The following EMC3 variants were observed in gnomAD, a reference collection of about 807,000 sequenced individuals.
The protein encoded by EMC3 is ER membrane protein complex subunit 3.
A neutral mutation model predicts 36.6 loss-of-function variants in EMC3; 13 were observed. The ratio of observed to expected loss-of-function variants is 0.35; its 90% confidence interval spans 0.23 to 0.56. The LOEUF is 0.56. Among genes scored for constraint, EMC3 ranks in the 20% least tolerant of loss-of-function variants. The pLI is 0.84. For missense variants in EMC3, 220 were observed against 324.5 expected (o/e 0.68, Z 2.47); for synonymous variants, 120 against 111.9 (o/e 1.07, Z -0.46).
At chr3:10,002,742 C>T (rs2086219048) in intron 1 of EMC3, 1 of 438,172 alleles carries the variant, frequency 2.3e-6, no homozygotes, top group Admixed American at 2.5e-5. Flanking sequence ...GAGGAGGAGA[C>T]CTGCACAACT....
intron 1 of EMC3, among the ~76,000 whole-genome samples, chr3:9,991,874 C>G (rs1393655425): frequency 6.6e-6 from 1 of 152,172 alleles, no homozygotes; most frequent in Non-Finnish European, 1.5e-5. Flanking sequence ...GATCATCAGG[C>G]ACTACTTAGA....
At chr3:9,970,040 A>G (rs939860860) in intron 6 of EMC3, among the ~76,000 whole-genome samples, 1 of 152,218 alleles carries the variant, frequency 6.6e-6, no homozygotes, top group Non-Finnish European at 1.5e-5. Flanking sequence ...AATTTCAACA[A>G]TAACAGCCAC....
intron 7 of EMC3, among the ~76,000 whole-genome samples, chr3:9,965,087 C>T (rs1440325118): frequency 1.4e-5 from 2 of 147,296 alleles, no homozygotes; most frequent in African/African-American, 5.1e-5. Context: ...AGTAATACCT[C>T]GTCTTTAAAA....
At chr3:10,004,065 T>G (rs2086236192) in intron 1 of EMC3, 1 of 152,200 alleles carries the variant, frequency 6.6e-6, no homozygotes, top group Non-Finnish European at 1.5e-5. Context: ...CCATGGATAT[T>G]CAGAGCCTCA....
upstream of EMC3, among the ~76,000 whole-genome samples, chr3:9,991,611 G>C (rs2086053272): frequency 6.6e-6 from 1 of 151,956 alleles, no homozygotes; most frequent in Admixed American, 6.6e-5. Context: ...CACCTCCTGG[G>C]CTCAATGATC....
At chr3:9,988,035 CT>C, upstream of EMC3, 2 of 723,470 alleles carry the variant, frequency 2.8e-6, no homozygotes, top group Admixed American at 1.9e-5. Flanking sequence ...AATTGCCACC[CT>C]TTTCCTCACA....
intron 4 of EMC3, among the ~76,000 whole-genome samples, 157 bp from the exon 5 acceptor site, chr3:9,973,866 A>G (rs2085816107): frequency 6.6e-6 from 1 of 152,228 alleles, no homozygotes; most frequent in African/African-American, 2.4e-5. Context: ...AAAGACAGTC[A>G]AAATGCCACT....
In EMC3 at chr3:9,963,454, G is replaced by GATATATATATAT. The variant is rs1553602259; in HGVS notation, c.*603_*614dup. ...CGAAGACTGGGCTTCTGCTAAGATA[G>GATATATATATAT]ATATATATATATATATATATATATT... On this transcript the variant is annotated 3_prime_UTR_variant, in exon 8 of 8. Coordinates refer to ENST00000245046, the MANE Select transcript of EMC3 (RefSeq NM_001394674.1). The GATATATATATAT allele has an allele frequency of 1.0e-5, 1 of 99,698 alleles. No homozygotes were observed. Among genetic ancestry groups the GATATATATATAT allele is most frequent in the East Asian group, 2.5e-4 (1 of 3,984 alleles). The allele number at this position is 99,698 out of a possible 1,614,324, so 6.2% of individuals were successfully genotyped here.
intron 1 of EMC3, among the ~76,000 whole-genome samples, chr3:9,984,349 G>A (rs541880705): frequency 2.4e-4 from 36 of 151,802 alleles, no homozygotes; most frequent in African/African-American, 8.0e-4. Context: ...CAAAGTGTTG[G>A]GATTACAGGC....
intron 1 of EMC3, among the ~76,000 whole-genome samples, chr3:10,001,680 T>G (rs899482157): frequency 6.6e-6 from 1 of 152,154 alleles, no homozygotes; most frequent in Admixed American, 6.5e-5. Flanking sequence ...CCACACTGTT[T>G]TGACTACTGT....
intron 1 of EMC3, chr3:9,981,845 G>C: frequency 2.7e-6 from 1 of 369,140 alleles, no homozygotes; most frequent in Non-Finnish European, 5.3e-6. Context: ...TAGTATATTT[G>C]TCAAGTCTGA....
At chr3:9,972,462 G>GAA (rs34891720) in intron 5 of EMC3, among the ~76,000 whole-genome samples, 35 of 90,674 alleles carry the variant, frequency 3.9e-4, no homozygotes, top group Non-Finnish European at 4.2e-4. Context: ...GAGTTTCAAT[G>GAA]AAAAAAAAAA....
chr3:9,986,851 A>G (rs1202509582), upstream of EMC3: 1 of 1,378,724 alleles, frequency 7.3e-7, no homozygotes, highest in African/African-American at 1.5e-5. Context: ...TCCGGCGCGA[A>G]CGTTGACGTC....
intron 7 of EMC3, among the ~76,000 whole-genome samples, chr3:9,966,117 A>T (rs2085733950): frequency 6.6e-6 from 1 of 152,216 alleles, no homozygotes; most frequent in African/African-American, 2.4e-5. Flanking sequence ...TGGCTGTACC[A>T]TCATCAACAA....
chr3:10,008,143 T>G (rs1347322922), intron 1 of EMC3, among the ~76,000 whole-genome samples: 1 of 151,952 alleles, frequency 6.6e-6, no homozygotes, highest in Non-Finnish European at 1.5e-5. Context: ...CCCATCAGAG[T>G]CTGTCCCTCC....
upstream of EMC3, chr3:9,988,613 C>T (rs556915492): frequency 2.1e-5 from 19 of 901,634 alleles, no homozygotes; most frequent in South Asian, 2.1e-4. Context: ...GCCATATGGA[C>T]ACATTGGCTC....
chr3:9,986,491 A>G lies in EMC3; in HGVS notation c.155+16T>C. 2 of 1,612,322 alleles carry G rather than the reference A, an allele frequency of 1.2e-6. No individual in the cohort carries two copies. Among genetic ancestry groups the G allele is most frequent in the Non-Finnish European group, 1.7e-6 (2 of 1,178,946 alleles). ...CACGGCGGTGTGAGGTAGGCTGGAG[A>G]AGGGAGGGCGCTGACCTGTCAGATA... On this transcript the variant is annotated intron_variant, in intron 1 of 7. Transcript: ENST00000245046.
At chr3:9,974,126 T>C (rs528386842) in intron 4 of EMC3, among the ~76,000 whole-genome samples, 9 of 152,354 alleles carry the variant, frequency 5.9e-5, no homozygotes, top group African/African-American at 2.2e-4. Context: ...CCCTTTATCC[T>C]GCTCAACGAG....
intron 5 of EMC3, chr3:9,973,362 G>GT: frequency 3.5e-6 from 1 of 288,386 alleles, no homozygotes; most frequent in Non-Finnish European, 6.5e-6. Flanking sequence ...GCCTGGCTAA[G>GT]TTTTTGTATT....
Sources: gnomAD v4.1 joint callset for allele counts (sites outside exome capture counted in the v4.1 genomes callset) on GRCh38, gnomAD v4.1.1 for gene constraint, MANE v1.5 for transcripts, NCBI Gene and HGNC (gene_info 2026-07-23, HGNC 2026-07-21) for gene names.